Variants in PRLR observed in about 807,000 individuals in gnomAD.
The protein encoded by PRLR is prolactin receptor.
Under a neutral mutation model 40.2 loss-of-function variants are expected in PRLR, and 13 were observed. The ratio of observed to expected loss-of-function variants is 0.32; its 90% CI spans 0.21 to 0.51. The LOEUF is 0.51. Among genes scored for constraint, PRLR ranks in the 20% least tolerant of loss-of-function variants. PRLR has a pLI of 0.97. For missense variants in PRLR, 656 were observed against 747.3 expected, an observed-to-expected ratio of 0.88 and a Z score of 1.42; for synonymous variants, 269 against 278.7, an observed-to-expected ratio of 0.97 and a Z score of 0.35.
chr5:35,176,687 C>T (rs1386219794), intron 1 of PRLR, among the ~76,000 whole-genome samples: 2 of 152,120 alleles, frequency 1.3e-5, no homozygotes, highest in Admixed American at 6.5e-5. Flanking sequence ...TGCGGAAGGC[C>T]GCAGGGACCT....
chr5:35,192,831 G>A (rs1775642380), intron 1 of PRLR, among the ~76,000 whole-genome samples: 2 of 152,164 alleles, frequency 1.3e-5, no homozygotes, highest in African/African-American at 4.8e-5. Flanking sequence ...CTTTTATTTG[G>A]GGTCCTCTGT....
chr5:35,117,595 T>C (rs2111708032), intron 2 of PRLR, among the ~76,000 whole-genome samples: 1 of 152,326 alleles, frequency 6.6e-6, no homozygotes, highest in Non-Finnish European at 1.5e-5. Context: ...ACATGAGTCC[T>C]GCCATGAGGG....
chr5:35,195,517 C>T (rs2111583966), intron 1 of PRLR: 1 of 152,344 alleles, frequency 6.6e-6, no homozygotes, highest in Non-Finnish European at 1.5e-5. Flanking sequence ...TCAGAACTGA[C>T]AGCAAAAAGA....
intron 1 of PRLR, among the ~76,000 whole-genome samples, chr5:35,152,594 C>A (rs1774372646): frequency 6.6e-6 from 1 of 152,196 alleles, no homozygotes; most frequent in African/African-American, 2.4e-5. Context: ...TGAACCCACA[C>A]TAGTACAAGT....
intron 2 of PRLR, 67 bp from the exon 3 acceptor site, chr5:35,089,730 T>C: frequency 1.1e-6 from 1 of 928,058 alleles, no homozygotes; most frequent in Non-Finnish European, 1.7e-6. Flanking sequence ...CACCACTTTA[T>C]TCTGGGTATT....
intron 1 of PRLR, among the ~76,000 whole-genome samples, chr5:35,181,153 G>A (rs187804329): frequency 6.6e-6 from 1 of 152,202 alleles, no homozygotes; most frequent in East Asian, 1.9e-4. Context: ...GGTATGTATA[G>A]TTAAATATCT....
At chr5:35,152,118 AAGTTATAC>A (rs1774360548) in intron 1 of PRLR, among the ~76,000 whole-genome samples, 1 of 152,178 alleles carries the variant, frequency 6.6e-6, no homozygotes, top group Non-Finnish European at 1.5e-5. Flanking sequence ...CCTTCTAGGG[AAGTTATAC>A]AGGTATAATC....
At chr5:35,084,827 T>C (rs938906829) in intron 4 of PRLR, among the ~76,000 whole-genome samples, 188 bp from the exon 5 acceptor site, 2 of 152,122 alleles carry the variant, frequency 1.3e-5, no homozygotes, top group Admixed American at 6.5e-5. Context: ...GGGAAGAGCA[T>C]GTTGGAAAGG....
exon 9 of PRLR, chr5:35,049,336 T>C (rs1768395364): frequency 1.4e-6 from 1 of 703,120 alleles, no homozygotes; most frequent in Non-Finnish European, 2.6e-6. Flanking sequence ...AAGTCTTCCT[T>C]GACTTGAGAT....
At chr5:35,112,467 G>A (rs933065599) in intron 2 of PRLR, among the ~76,000 whole-genome samples, 7 of 152,082 alleles carry the variant, frequency 4.6e-5, no homozygotes, top group Non-Finnish European at 7.4e-5. Flanking sequence ...AAGAGGAACC[G>A]GAAATTGAAA....
chr5:35,099,272 T>C (rs1193846348), intron 2 of PRLR, among the ~76,000 whole-genome samples: 1 of 152,122 alleles, frequency 6.6e-6, no homozygotes, highest in East Asian at 1.9e-4. Flanking sequence ...AGACTGCATA[T>C]ATGGTGGTGG....
intron 2 of PRLR, among the ~76,000 whole-genome samples, chr5:35,107,531 A>T (rs1420524789): frequency 6.6e-6 from 1 of 152,218 alleles, no homozygotes; most frequent in East Asian, 1.9e-4. Context: ...GCAATAAAAA[A>T]TGATAAAGGG....
intron 9 of PRLR, among the ~76,000 whole-genome samples, chr5:35,067,955 T>C (rs1355766482): frequency 6.6e-6 from 1 of 152,242 alleles, no homozygotes; most frequent in Non-Finnish European, 1.5e-5. Context: ...TCTATGCTTA[T>C]GAGTAGATCT....
rs564430733 is a variant in PRLR at position 35,214,452 on chromosome 5, G to A, written c.-106+15816C>T. Among the ~76,000 whole-genome samples the A allele has an allele frequency of 6.7e-4, 102 of 152,266 alleles. 1 individual carries two copies. Among genetic ancestry groups the A allele is most frequent in the African/African-American group, 2.4e-3 (101 of 41,540 alleles). ...TACAAAGCAGTGCCACAGGAAAAGG[G>A]GCAAACGCATTGAGGATCAACTATA... is the stretch of plus-strand genomic sequence containing the variant. On this transcript the variant is annotated intron_variant, in intron 1 of 9. Transcript: ENST00000618457.
At chr5:35,120,625 G>C (rs186545065) in intron 1 of PRLR, among the ~76,000 whole-genome samples, 11 of 152,264 alleles carry the variant, frequency 7.2e-5, no homozygotes, top group South Asian at 6.2e-4. Flanking sequence ...TTATATACTT[G>C]AGTATTGTGT....
At chr5:35,195,957 C>T (rs909646395) in intron 1 of PRLR, among the ~76,000 whole-genome samples, 5 of 152,022 alleles carry the variant, frequency 3.3e-5, no homozygotes, top group Non-Finnish European at 7.3e-5. Flanking sequence ...AAAATGAAAA[C>T]GATTTTGAAT....
In PRLR at chr5:35,065,632, G is replaced by C; in HGVS notation, c.1326C>G (p.Gly442=). The part of the protein sequence containing the change: ...NITDVCELAV[G]PAGAPATLLN... ...ACAGAGTGGCCGGTGCACCTGCAGG[G>C]CCCACAGCCAGCTCACACACATCAG... Residue 442 remains glycine, a synonymous_variant, in exon 10 of 10, where the codon GGC becomes GGG. Coordinates refer to ENST00000618457, the MANE Select transcript of PRLR (RefSeq NM_000949.7). 3 of 1,614,088 alleles carry C rather than the reference G, an allele frequency of 1.9e-6. No homozygotes were observed. Among genetic ancestry groups the C allele is most frequent in the East Asian group, 4.5e-5 (2 of 44,856 alleles).
At chr5:35,134,593 A>T (rs950130245) in intron 1 of PRLR, among the ~76,000 whole-genome samples, 8 of 152,364 alleles carry the variant, frequency 5.3e-5, no homozygotes, top group African/African-American at 1.7e-4. Flanking sequence ...GAAGTAAGCA[A>T]CTACCCGGCT....
At position 35,101,728 on chromosome 5, in the gene PRLR, T is replaced by C. The variant is rs1022224910; in HGVS notation, c.-43-12065A>G. Among the ~76,000 whole-genome samples the C allele has an allele frequency of 5.4e-5, 8 of 148,244 alleles. No homozygotes were observed. The East Asian group carries it at 1.4e-3, about 25-fold the overall frequency. ...AACATACATATATAAATATAAAACA[T>C]ATATAAAACATATATATAACATATA... On this transcript the variant is annotated intron_variant, in intron 2 of 9. Coordinates refer to ENST00000618457, the MANE Select transcript of PRLR (RefSeq NM_000949.7).
Sources: allele counts gnomAD v4.1 joint callset (sites outside exome capture counted in the v4.1 genomes callset), GRCh38; gene constraint gnomAD v4.1.1; transcripts MANE v1.5; gene names NCBI Gene and HGNC (gene_info 2026-07-23, HGNC 2026-07-21).